Variants in DYNLT5 observed in about 807,000 individuals in gnomAD.
The protein encoded by DYNLT5 is dynein light chain Tctex-type family member 5.
Under a neutral mutation model 19.3 loss-of-function variants are expected in DYNLT5, and 25 were observed. The observed-to-expected ratio is 1.30, with a 90% CI of 0.95 to 1.81. The LOEUF is 1.81. DYNLT5 is among the 40% of genes most tolerant of loss of function. DYNLT5 has a pLI of 0.00. For missense variants in DYNLT5, 232 were observed against 217.9 expected, an observed-to-expected ratio of 1.06 and a Z score of -0.41; for synonymous variants, 82 against 68.9, an observed-to-expected ratio of 1.19 and a Z score of -0.94.
intron 1 of DYNLT5, among the ~76,000 whole-genome samples, chr1:66,753,029 T>A (rs1311090574): frequency 1.3e-5 from 2 of 152,130 alleles, no homozygotes; most frequent in African/African-American, 4.8e-5. Flanking sequence ...CTGTGTGTCT[T>A]TCCACACTCA....
intron 3 of DYNLT5, among the ~76,000 whole-genome samples, chr1:66,773,128 A>T (rs1009146348): frequency 6.6e-6 from 1 of 152,188 alleles, no homozygotes; most frequent in African/African-American, 2.4e-5. Flanking sequence ...TTGTAACTTC[A>T]TATTAATTAT....
intron 2 of DYNLT5, among the ~76,000 whole-genome samples, chr1:66,755,352 A>G (rs2094634336): frequency 6.6e-6 from 1 of 152,176 alleles, no homozygotes; most frequent in Admixed American, 6.5e-5. Flanking sequence ...TCAAAGGGCA[A>G]TAAGTAGATT....
chr1:66,772,610 G>A (rs1186870474), intron 3 of DYNLT5, among the ~76,000 whole-genome samples: 1 of 152,098 alleles, frequency 6.6e-6, no homozygotes, highest in African/African-American at 2.4e-5. Flanking sequence ...AAAAGTAGAG[G>A]GAAATATCAG....
At position 66,776,968 on chromosome 1, in the gene DYNLT5, T is replaced by C. The variant is rs141667207; in HGVS notation, c.337-283T>C. 1.1e-4 allele frequency among the ~76,000 whole-genome samples: 17 copies of C among 152,346 alleles called. No individual in the cohort carries two copies. The East Asian group carries it at 2.7e-3, about 24-fold the overall frequency. On this transcript the variant is annotated intron_variant, in intron 4 of 4. Coordinates refer to ENST00000282670, the MANE Select transcript of DYNLT5 (RefSeq NM_152665.3). ...ACATGAAGCCATCTTAACATAAATT[T>C]TCAAAGAATGTAATTTATTAAATTC...
At chr1:66,754,843 GA>G in intron 2 of DYNLT5, 66 bp downstream of exon 2, 4 of 1,474,344 alleles carry the variant, frequency 2.7e-6, no homozygotes, top group South Asian at 2.8e-5. Context: ...TTTATTAGGA[GA>G]AAAAAACACT....
chr1:66,769,084 T>G (rs1645186571), intron 2 of DYNLT5, among the ~76,000 whole-genome samples: 1 of 152,094 alleles, frequency 6.6e-6, no homozygotes, highest in African/African-American at 2.4e-5. Flanking sequence ...TAACATTGGG[T>G]TTTTTAAGCA....
chr1:66,766,365 C>A (rs550954824), intron 2 of DYNLT5, among the ~76,000 whole-genome samples: 1 of 152,110 alleles, frequency 6.6e-6, no homozygotes, highest in African/African-American at 2.4e-5. Context: ...ATGTATTGTG[C>A]CAGGTATATG....
intron 2 of DYNLT5, among the ~76,000 whole-genome samples, chr1:66,765,486 T>C (rs1392599219): frequency 6.6e-6 from 1 of 152,190 alleles, no homozygotes; most frequent in Non-Finnish European, 1.5e-5. Context: ...CTGAAATTAT[T>C]GTTACCATCT....
At chr1:66,776,656 A>T (rs1451763429) in intron 4 of DYNLT5, among the ~76,000 whole-genome samples, 1 of 152,034 alleles carries the variant, frequency 6.6e-6, no homozygotes, top group Non-Finnish European at 1.5e-5. Context: ...AAACTGCCCC[A>T]TTTATAAAAG....
chr1:66,770,922 G>A (rs1383019110), intron 3 of DYNLT5: 1 of 193,962 alleles, frequency 5.2e-6, no homozygotes, highest in African/African-American at 2.4e-5. Flanking sequence ...TTACCACTGA[G>A]GTTTTGAGTC....
intron 1 of DYNLT5, among the ~76,000 whole-genome samples, 184 bp from the exon 2 acceptor site, chr1:66,754,472 C>T (rs957192944): frequency 6.6e-6 from 1 of 152,134 alleles, no homozygotes; most frequent in African/African-American, 2.4e-5. Context: ...TCAGAGTTAT[C>T]ATAGTTCCAG....
chr1:66,776,089 A>C, intron 3 of DYNLT5, 190 bp from the exon 4 acceptor site: 1 of 609,722 alleles, frequency 1.6e-6, no homozygotes, highest in Non-Finnish European at 2.6e-6. Context: ...AAATGTACGA[A>C]AATATTGTCT....
Position 66,778,947 on chromosome 1 carries a change from A to G in DYNLT5, c.*1493A>G, listed in dbSNP as rs560832079. 6.6e-6 allele frequency among the ~76,000 whole-genome samples: 1 copy of G among 152,362 alleles called. No individual in the cohort carries two copies. Among genetic ancestry groups the G allele is most frequent in the South Asian group, 2.1e-4 (1 of 4,830 alleles). On this transcript the variant is annotated 3_prime_UTR_variant, in exon 5 of 5. Transcript: ENST00000282670. ...AGTAAATGAGCTTCATATTTTCATTACACATTGGTGAACATCTCCCTTCGT... is the reference window on the plus strand; with the variant it reads ...AGTAAATGAGCTTCATATTTTCATTGCACATTGGTGAACATCTCCCTTCGT...
chr1:66,752,556 A>T lies in DYNLT5; in HGVS notation c.-32A>T. ...GTGTCTGCAGTGCCGGAGGTCTGGG[A>T]GGCTCCGGGCGAAGCCTCCCTGCTG... On this transcript the variant is annotated 5_prime_UTR_variant, in exon 1 of 5. Coordinates refer to ENST00000282670, the MANE Select transcript of DYNLT5 (RefSeq NM_152665.3). The T allele has an allele frequency of 1.0e-6, 1 of 985,530 alleles. No homozygotes were observed. The highest frequency in any genetic ancestry group is 1.2e-6 in the Non-Finnish European group (1 of 830,008). 61.0% of individuals were successfully genotyped at this position (985,530 alleles called of 1,614,324 possible). A position where few individuals can be genotyped will look rare whatever the true frequency, so the allele number is the denominator to read the frequency against.
intron 2 of DYNLT5, among the ~76,000 whole-genome samples, chr1:66,757,816 G>A (rs112477670): frequency 0.011 from 1,716 of 152,082 alleles, 36 homozygotes; most frequent in African/African-American, 0.04. Flanking sequence ...TTTTTTTGCA[G>A]CATGTAAAAA....
intron 3 of DYNLT5, among the ~76,000 whole-genome samples, chr1:66,771,717 G>A (rs1309928217): frequency 6.6e-6 from 1 of 152,150 alleles, no homozygotes; most frequent in Non-Finnish European, 1.5e-5. Context: ...TCCCTCACTT[G>A]CAACTAAAAG....
intron 3 of DYNLT5, among the ~76,000 whole-genome samples, chr1:66,771,973 G>A (rs920147620): frequency 6.6e-6 from 1 of 152,106 alleles, no homozygotes; most frequent in Non-Finnish European, 1.5e-5. Flanking sequence ...TCCTACAATA[G>A]TCTATGTGAA....
At position 66,777,665 on chromosome 1, in the gene DYNLT5, T is replaced by A; in HGVS notation, c.*211T>A. On this transcript the variant is annotated 3_prime_UTR_variant, in exon 5 of 5. Transcript: ENST00000282670. Reference sequence around the variant, plus strand: ...ATCTTGTTTATCTAAAGCAGGAACTTGATCTTGGTTTTGCTGGATTGCTTT... The same window carrying A: ...ATCTTGTTTATCTAAAGCAGGAACTAGATCTTGGTTTTGCTGGATTGCTTT... The A allele has an allele frequency of 2.4e-6, 1 of 411,686 alleles. No individual in the cohort carries two copies. Among genetic ancestry groups the A allele is most frequent in the Non-Finnish European group, 4.3e-6 (1 of 231,396 alleles). 25.5% of individuals were successfully genotyped at this position (411,686 alleles called of 1,614,324 possible).
chr1:66,775,576 G>A (rs953040550), intron 3 of DYNLT5: 5 of 152,174 alleles, frequency 3.3e-5, no homozygotes, highest in Admixed American at 2.6e-4. Flanking sequence ...TGGAAACGCA[G>A]GTATGCTTTA....
Sources: gnomAD v4.1 joint callset for allele counts (sites outside exome capture counted in the v4.1 genomes callset) on GRCh38, gnomAD v4.1.1 for gene constraint, MANE v1.5 for transcripts, NCBI Gene and HGNC (gene_info 2026-07-23, HGNC 2026-07-21) for gene names.